The following LSAMP variants were observed in gnomAD, a reference collection of about 807,000 sequenced individuals.
LSAMP encodes the protein limbic system associated membrane protein.
In LSAMP, 7 loss-of-function variants were observed where a neutral mutation model predicts 38.6. That is an observed-to-expected ratio of 0.18 (90% CI 0.10 to 0.34). The LOEUF (loss-of-function observed/expected upper bound fraction) is 0.34, where lower values mean the gene tolerates loss of function less well. Ranked by LOEUF, LSAMP falls within the 10% of genes least tolerant of loss-of-function variation. The pLI, the probability that LSAMP is intolerant of heterozygous loss-of-function variation, is 1.00. For synonymous variants in LSAMP, 154 were observed against 166.8 expected (o/e 0.92, Z 0.59); for missense variants, 313 against 420.0 (o/e 0.75, Z 2.23).
intron 3 of LSAMP, among the ~76,000 whole-genome samples, chr3:115,917,912 A>G (rs1937288826): frequency 6.6e-6 from 1 of 152,218 alleles, no homozygotes; most frequent in African/African-American, 2.4e-5. Flanking sequence ...CTTCAGAAAG[A>G]TTTTAATTAC....
At chr3:116,168,270 G>A (rs753948933) in intron 1 of LSAMP, among the ~76,000 whole-genome samples, 102 of 152,158 alleles carry the variant, frequency 6.7e-4, no homozygotes, top group Non-Finnish European at 1.3e-3. Flanking sequence ...TATAAGAGAT[G>A]ATATCCCTGG....
intron 1 of LSAMP, among the ~76,000 whole-genome samples, chr3:116,254,673 C>T (rs555325142): frequency 1.3e-5 from 2 of 152,304 alleles, no homozygotes; most frequent in Admixed American, 1.3e-4. Context: ...AGCCAACTTT[C>T]GCCTATGGCT....
intron 3 of LSAMP, among the ~76,000 whole-genome samples, chr3:115,994,180 C>T (rs2107647394): frequency 6.6e-6 from 1 of 152,134 alleles, no homozygotes; most frequent in South Asian, 2.1e-4. Flanking sequence ...CTTCAACTCT[C>T]CTGCTCTTAT....
intron 2 of LSAMP, among the ~76,000 whole-genome samples, chr3:116,038,669 A>C (rs1042320797): frequency 2.6e-5 from 4 of 152,182 alleles, no homozygotes; most frequent in African/African-American, 9.7e-5. Context: ...TACACACTAC[A>C]GTCACTTAGC....
intron 6 of LSAMP, among the ~76,000 whole-genome samples, chr3:115,812,513 C>T (rs1315129807): frequency 6.6e-6 from 1 of 152,156 alleles, no homozygotes; most frequent in Non-Finnish European, 1.5e-5. Flanking sequence ...TTGGGACCTT[C>T]AAGCTCTCTT....
At chr3:116,101,229 G>A (rs912740871) in intron 1 of LSAMP, among the ~76,000 whole-genome samples, 8 of 152,142 alleles carry the variant, frequency 5.3e-5, no homozygotes, top group African/African-American at 1.9e-4. Flanking sequence ...TATTCCAAGT[G>A]GTGTTGAAAG....
chr3:116,413,257 A>C (rs920984330), intron 1 of LSAMP, among the ~76,000 whole-genome samples: 3 of 151,888 alleles, frequency 2.0e-5, no homozygotes, highest in Non-Finnish European at 4.4e-5. Context: ...ATATATATAT[A>C]TATCATATTT....
At chr3:116,224,936 TAATG>T (rs1245990065) in intron 1 of LSAMP, among the ~76,000 whole-genome samples, 21 of 152,346 alleles carry the variant, frequency 1.4e-4, no homozygotes, top group African/African-American at 4.8e-4. Flanking sequence ...ATTTTTAAAA[TAATG>T]AATCTACATA....
intron 4 of LSAMP, among the ~76,000 whole-genome samples, chr3:115,849,631 C>G (rs1350223318): frequency 1.3e-5 from 2 of 152,094 alleles, no homozygotes; most frequent in Non-Finnish European, 2.9e-5. Context: ...GATTTCATGG[C>G]CGGTAGGATT....
intron 1 of LSAMP, among the ~76,000 whole-genome samples, chr3:116,207,548 G>T (rs2046088044): frequency 6.6e-6 from 1 of 151,840 alleles, no homozygotes; most frequent in Admixed American, 6.6e-5. Flanking sequence ...GGTCCCGGTT[G>T]TTCCTTTCCA....
At chr3:116,316,600 G>A (rs1455848843) in intron 1 of LSAMP, among the ~76,000 whole-genome samples, 5 of 151,728 alleles carry the variant, frequency 3.3e-5, no homozygotes, top group Non-Finnish European at 7.4e-5. Context: ...ATGAAACCCC[G>A]TCTCTACTAA....
chr3:116,332,598 T>C (rs1319670207), intron 1 of LSAMP, among the ~76,000 whole-genome samples: 1 of 152,116 alleles, frequency 6.6e-6, no homozygotes, highest in East Asian at 1.9e-4. Context: ...TTATGAGGCA[T>C]ATAGGAAGTA....
intron 6 of LSAMP, 182 bp downstream of exon 6, chr3:115,841,663 G>T: frequency 1.9e-6 from 1 of 531,460 alleles, no homozygotes; most frequent in Non-Finnish European, 3.2e-6. Flanking sequence ...ATAGAGAGAA[G>T]TTGTTCCATT....
intron 3 of LSAMP, among the ~76,000 whole-genome samples, chr3:115,915,969 C>G (rs966156411): frequency 6.6e-6 from 1 of 152,080 alleles, no homozygotes; most frequent in East Asian, 1.9e-4. Context: ...CAGTGCTTAA[C>G]ATATAAGTTA....
chr3:115,880,221 A>G (rs1936286745), intron 3 of LSAMP, among the ~76,000 whole-genome samples: 2 of 152,110 alleles, frequency 1.3e-5, no homozygotes, highest in Admixed American at 1.3e-4. Context: ...CTAGACTAAT[A>G]AAACTCTCTC....
intron 3 of LSAMP, among the ~76,000 whole-genome samples, chr3:115,861,302 C>G (rs1935693725): frequency 6.6e-6 from 1 of 151,872 alleles, no homozygotes; most frequent in African/African-American, 2.4e-5. Flanking sequence ...TACACCAACA[C>G]TATTTACTCT....
chr3:115,958,910 C>T (rs974620281), intron 3 of LSAMP, among the ~76,000 whole-genome samples: 1 of 152,130 alleles, frequency 6.6e-6, no homozygotes, highest in Non-Finnish European at 1.5e-5. Flanking sequence ...AGACGTGGGG[C>T]CAGGAGGACT....
intron 3 of LSAMP, among the ~76,000 whole-genome samples, chr3:115,868,083 G>A (rs920129217): frequency 1.3e-5 from 2 of 152,098 alleles, no homozygotes; most frequent in African/African-American, 2.4e-5. Flanking sequence ...TTTAGATTTA[G>A]GCTTGGGCAG....
intron 3 of LSAMP, among the ~76,000 whole-genome samples, chr3:115,921,824 G>A (rs992531308): frequency 2.0e-5 from 3 of 152,046 alleles, no homozygotes; most frequent in African/African-American, 7.2e-5. Context: ...GCTGAATATA[G>A]TATTCTTTAC....
Sources: gnomAD v4.1 joint callset for allele counts (sites outside exome capture counted in the v4.1 genomes callset) on GRCh38, gnomAD v4.1.1 for gene constraint, MANE v1.5 for transcripts, NCBI Gene and HGNC (gene_info 2026-07-23, HGNC 2026-07-21) for gene names.